Variants in PPP2R3C observed in about 807,000 individuals in gnomAD.
PPP2R3C encodes protein phosphatase 2 regulatory subunit B''gamma.
Under a neutral mutation model 63.7 loss-of-function variants are expected in PPP2R3C, and 47 were observed. The observed-to-expected ratio is 0.74, with a 90% CI of 0.58 to 0.94. The LOEUF (loss-of-function observed/expected upper bound fraction) is 0.94, where lower values mean the gene tolerates loss of function less well. Ranked by LOEUF, PPP2R3C falls within the 40% of genes least tolerant of loss-of-function variation. PPP2R3C has a pLI of 0.00. For synonymous variants in PPP2R3C, 180 were observed against 177.4 expected (o/e 1.01, Z -0.12); for missense variants, 421 against 518.4 (o/e 0.81, Z 1.82).
chr14:35,116,694 T>C lies in PPP2R3C; in HGVS notation c.102A>G (p.Leu34=). ...EQELKDEEMD[L]FTKYYSEWKG... is the part of the protein sequence containing the mutation. ...TCCATTCGGAGTAATATTTTGTAAATAAATCCATTTCTTCATCTTTTAATT... is the reference window on the plus strand; with the variant it reads ...TCCATTCGGAGTAATATTTTGTAAACAAATCCATTTCTTCATCTTTTAATT... Residue 34 remains leucine, a synonymous_variant, in exon 2 of 13, where the codon TTA becomes TTG. Transcript: ENST00000261475. The C allele has an allele frequency of 1.3e-6, 2 of 1,596,786 alleles. No homozygotes were observed. Among genetic ancestry groups the C allele is most frequent in the Non-Finnish European group, 1.7e-6 (2 of 1,168,612 alleles).
intron 1 of PPP2R3C, among the ~76,000 whole-genome samples, chr14:35,119,847 A>ATATTTT (rs2046812495): frequency 1.1e-5 from 1 of 94,484 alleles, no homozygotes; most frequent in Non-Finnish European, 2.1e-5. Context: ...TGGACAGTTC[A>ATATTTT]TCTTTTTTTT....
chr14:35,091,323 T>G, intron 10 of PPP2R3C, 116 bp from the exon 11 acceptor site: 1 of 987,926 alleles, frequency 1.0e-6, no homozygotes, highest in Non-Finnish European at 1.4e-6. Flanking sequence ...ATTTTTTCCC[T>G]AAGTTATGAT....
rs1165346949 is a variant in PPP2R3C, at chr14:35,099,274, G to C, written c.684C>G (p.Phe228Leu). 2 of 1,591,350 alleles carry C rather than the reference G, an allele frequency of 1.3e-6. No homozygotes were observed. Among genetic ancestry groups the C allele is most frequent in the Non-Finnish European group, 1.7e-6 (2 of 1,173,884 alleles). The change falls in exon 7 of 13, where the codon TTC (phenylalanine) becomes TTG (leucine). Residue 228 changes from phenylalanine (F) to leucine (L), a missense_variant. This residue lies in a region of PPP2R3C where 231 missense variants were observed against 264.8 expected (regional missense o/e 0.87). Transcript: ENST00000261475. ...TACCTGTTCTTAAAGGATCTAAAAAGAAGAAGAACTTCCTAACTGCTGTAC... is the reference window on the plus strand; with the variant it reads ...TACCTGTTCTTAAAGGATCTAAAAACAAGAAGAACTTCCTAACTGCTGTAC... Reference protein sequence around the residue: ...YVCTAVRKFFFFLDPLRTGKI... With the variant: ...YVCTAVRKFFLFLDPLRTGKI...
rs370141785 is a variant in PPP2R3C, at chr14:35,099,727, A to G, written c.574-343T>C. On this transcript the variant is annotated intron_variant, in intron 6 of 12. Coordinates refer to ENST00000261475, the MANE Select transcript of PPP2R3C (RefSeq NM_017917.4). Reference sequence around the variant, plus strand: ...GATGCAAATATGAACCAATACATATATATTTCTTTCCCTCTTTTTTTTTTT... The same window carrying G: ...GATGCAAATATGAACCAATACATATGTATTTCTTTCCCTCTTTTTTTTTTT... The G allele has an allele frequency of 1.7e-4, 32 of 183,894 alleles. No homozygotes were observed. In the East Asian group the frequency reaches 4.1e-3, roughly 24 times the overall value. The allele number at this position is 183,894 out of a possible 1,614,324, so 11.4% of individuals were successfully genotyped here. A position where few individuals can be genotyped will look rare whatever the true frequency, so the allele number is the denominator to read the frequency against.
Position 35,111,167 on chromosome 14 carries a change from G to A in PPP2R3C, c.187-538C>T, listed in dbSNP as rs145419700. ...GGAGAATTGCTTAAACCCAGGAGGC[G>A]GAGGTTGCAGTGAGCTGAGATCACG... On this transcript the variant is annotated intron_variant, in intron 2 of 12. Coordinates refer to ENST00000261475, the MANE Select transcript of PPP2R3C (RefSeq NM_017917.4). 3.2e-3 allele frequency among the ~76,000 whole-genome samples: 480 copies of A among 150,902 alleles called. 3 individuals are homozygous for A. The highest frequency in any genetic ancestry group is 0.011 in the African/African-American group (463 of 41,060).
chr14:35,109,610 C>T (rs189664499), intron 4 of PPP2R3C, among the ~76,000 whole-genome samples: 368 of 151,784 alleles, frequency 2.4e-3, no homozygotes, highest in Non-Finnish European at 4.2e-3. Flanking sequence ...TACAGGTGTA[C>T]GCCCCCACAC....
At chr14:35,088,131 C>G (rs1202892161) in intron 11 of PPP2R3C, 121 bp from the exon 12 acceptor site, 2 of 745,178 alleles carry the variant, frequency 2.7e-6, no homozygotes, top group Non-Finnish European at 4.8e-6. Context: ...TCATCATTCT[C>G]TCTCTTGCCA....
At position 35,095,214 on chromosome 14, in the gene PPP2R3C, T is replaced by C. The variant is rs200055292; in HGVS notation, c.839-30A>G. The C allele has an allele frequency of 6.9e-6, 11 of 1,587,762 alleles. No homozygotes were observed. In the East Asian group the frequency reaches 1.3e-4, roughly 19 times the overall value. On this transcript the variant is annotated intron_variant, in intron 9 of 12. Coordinates refer to ENST00000261475, the MANE Select transcript of PPP2R3C (RefSeq NM_017917.4). ...GGAAGAAAAATAATAAAGACACTTA[T>C]GACCACAATAAAATTTTAATCAGAA...
chr14:35,121,968 T>C lies in PPP2R3C; in HGVS notation c.-9A>G, dbSNP rs1056879. 581,182 of 1,613,370 alleles carry C rather than the reference T, an allele frequency of 0.36. 106,571 individuals are homozygous for C. The highest frequency in any genetic ancestry group is 0.46 in the Middle Eastern group (2,778 of 6,062). On this transcript the variant is annotated 5_prime_UTR_variant, in exon 1 of 13. Coordinates refer to ENST00000261475, the MANE Select transcript of PPP2R3C (RefSeq NM_017917.4). ...ACTTCTTTCCAGTCCATGGCCGACTTCCGCGCAGCAGCTTCTGCATTTGCT... is the reference window on the plus strand; with the variant it reads ...ACTTCTTTCCAGTCCATGGCCGACTCCCGCGCAGCAGCTTCTGCATTTGCT...
chr14:35,122,118 A>G, upstream of PPP2R3C: 2 of 650,160 alleles, frequency 3.1e-6, no homozygotes, highest in Non-Finnish European at 5.4e-6. Context: ...AGGCAAAAAC[A>G]ATTACTGTCA....
chr14:35,120,952 A>G (rs2046864011), intron 1 of PPP2R3C, among the ~76,000 whole-genome samples: 1 of 152,092 alleles, frequency 6.6e-6, no homozygotes, highest in African/African-American at 2.4e-5. Flanking sequence ...TATCGGAAAA[A>G]AAAAAGTGTA....
At chr14:35,090,454 C>T (rs1364425380) in intron 11 of PPP2R3C, among the ~76,000 whole-genome samples, 5 of 151,444 alleles carry the variant, frequency 3.3e-5, no homozygotes, top group Non-Finnish European at 7.4e-5. Context: ...GAGGTTGCGG[C>T]GAGCTATGAT....
At chr14:35,090,205 C>T (rs1171363055) in intron 11 of PPP2R3C, among the ~76,000 whole-genome samples, 1 of 150,968 alleles carries the variant, frequency 6.6e-6, no homozygotes, top group Admixed American at 6.6e-5. Context: ...AGCTCCTTTC[C>T]ACAGAAATTT....
intron 1 of PPP2R3C, chr14:35,117,270 G>A (rs148333896): frequency 3.3e-5 from 14 of 419,670 alleles, no homozygotes; most frequent in East Asian, 7.1e-5. Flanking sequence ...CTATTGGCAC[G>A]TGGCTGTCTC....
Position 35,099,314 on chromosome 14 carries a change from T to A in PPP2R3C, c.644A>T (p.Tyr215Phe). The part of the protein sequence containing the change: ...PQLDGLEKSF[Y>F]SFYVCTAVRK... ...AACTGCTGTACAAACATAAAAGGAG[T>A]AGAAAGATTTTTCCAGACCATCTAA... Residue 215 changes from tyrosine to phenylalanine, a missense_variant, in exon 7 of 13, where the codon TAC (tyrosine) becomes TTC (phenylalanine). Physicochemically the swap from Tyr to Phe is conservative, Grantham distance 22. Around this residue, in one of 3 missense-constraint regions of PPP2R3C, gnomAD observed 47 missense variants for 102.3 expected, o/e 0.46. Coordinates refer to ENST00000261475, the MANE Select transcript of PPP2R3C (RefSeq NM_017917.4). 1 of 1,603,064 alleles carries A rather than the reference T, an allele frequency of 6.2e-7. No homozygotes were observed. The highest frequency in any genetic ancestry group is 8.5e-7 in the Non-Finnish European group (1 of 1,177,612).
chr14:35,116,799 A>T, intron 1 of PPP2R3C, 62 bp from the exon 2 acceptor site: 1 of 1,271,138 alleles, frequency 7.9e-7, no homozygotes, highest in Non-Finnish European at 1.1e-6. Flanking sequence ...TACTCAGGTC[A>T]TCCTATATAT....
chr14:35,107,127 A>G (rs1177273960), intron 6 of PPP2R3C, among the ~76,000 whole-genome samples, 177 bp downstream of exon 6: 1 of 152,224 alleles, frequency 6.6e-6, no homozygotes, highest in African/African-American at 2.4e-5. Flanking sequence ...TTAAAAGTTG[A>G]AAGTGTACAA....
chr14:35,089,868 T>C (rs779927285), intron 11 of PPP2R3C, among the ~76,000 whole-genome samples: 1 of 151,748 alleles, frequency 6.6e-6, no homozygotes, highest in Non-Finnish European at 1.5e-5. Flanking sequence ...GGTTTCACCA[T>C]GTTAGTGAGG....
At chr14:35,087,037 A>C (rs780322668) in intron 12 of PPP2R3C, 1 of 152,222 alleles carries the variant, frequency 6.6e-6, no homozygotes, top group Non-Finnish European at 1.5e-5. Flanking sequence ...AGAGATAGTG[A>C]CAAAGCTTCA....
Sources: gnomAD v4.1 joint callset for allele counts (sites outside exome capture counted in the v4.1 genomes callset) on GRCh38, gnomAD v4.1.1 for gene constraint, gnomAD v4.1.1 regional missense constraint, MANE v1.5 for transcripts, NCBI Gene and HGNC (gene_info 2026-07-23, HGNC 2026-07-21) for gene names.